SUGCT: variants seen among roughly 807,000 people sequenced by gnomAD.
The protein encoded by SUGCT is succinyl-CoA:glutarate-CoA transferase.
A neutral mutation model predicts 55.0 loss-of-function variants in SUGCT; 41 were observed. The ratio of observed to expected loss-of-function variants is 0.74; its 90% confidence interval spans 0.58 to 0.97. The LOEUF is 0.97. SUGCT is among the 50% of genes least tolerant of loss of function. The pLI, the probability that SUGCT is intolerant of heterozygous loss-of-function variation, is 0.00. For synonymous variants in SUGCT, 187 were observed against 200.4 expected (o/e 0.93, Z 0.56); for missense variants, 568 against 547.8 (o/e 1.04, Z -0.37).
In SUGCT at chr7:40,860,392, C is replaced by T. The variant is rs368801829; in HGVS notation, c.1230C>T (p.His410=). The change falls in exon 14 of 14, where the codon CAC becomes CAT. Residue 410 remains histidine, a synonymous_variant. Transcript: ENST00000335693. ...PPPLLGQHTT[H]ILKEVLRYDD... is the part of the protein sequence containing the mutation. ...CGCTGCTCGGGCAGCACACAACGCACATCCTGAAGGAGGTCCTGAGATACG... is the reference window on the plus strand; with the variant it reads ...CGCTGCTCGGGCAGCACACAACGCATATCCTGAAGGAGGTCCTGAGATACG... 51 of 1,613,884 alleles carry T rather than the reference C, an allele frequency of 3.2e-5. No individual in the cohort carries two copies. The highest frequency in any genetic ancestry group is 4.2e-5 in the Non-Finnish European group (50 of 1,179,878).
intron 7 of SUGCT, among the ~76,000 whole-genome samples, chr7:40,262,914 A>T (rs1237195860): frequency 6.6e-6 from 1 of 152,144 alleles, no homozygotes; most frequent in Non-Finnish European, 1.5e-5. Flanking sequence ...TGACAAGTTA[A>T]TTTATTGTCT....
At chr7:41,014,931 A>T in the SUGCT span, among the ~76,000 whole-genome samples, 139 of 152,336 alleles carry the variant, frequency 9.1e-4, no homozygotes, top group African/African-American at 3.2e-3. Context: ...CAGCATATGG[A>T]TGACACATGG....
chr7:40,941,657 C>T, the SUGCT span, among the ~76,000 whole-genome samples: 2 of 152,032 alleles, frequency 1.3e-5, no homozygotes, highest in African/African-American at 4.8e-5. Flanking sequence ...TCTGTGCTGT[C>T]AGTGGAGTGT....
chr7:40,873,968 CAT>C, the SUGCT span, among the ~76,000 whole-genome samples: 6 of 152,322 alleles, frequency 3.9e-5, no homozygotes, highest in East Asian at 1.2e-3. Flanking sequence ...AAACAAGACT[CAT>C]ATCAGCAGAG....
At chr7:40,681,842 A>G (rs1784260042) in intron 12 of SUGCT, among the ~76,000 whole-genome samples, 2 of 152,148 alleles carry the variant, frequency 1.3e-5, no homozygotes, top group Non-Finnish European at 2.9e-5. Context: ...GCTCTAGCTC[A>G]TGGGCATGAC....
chr7:40,268,152 A>T (rs1190309605), intron 7 of SUGCT, among the ~76,000 whole-genome samples: 23 of 152,224 alleles, frequency 1.5e-4, no homozygotes. Flanking sequence ...CATACAATTC[A>T]GTGGCTTTTA....
intron 8 of SUGCT, among the ~76,000 whole-genome samples, chr7:40,304,060 A>AG (rs1794703841): frequency 6.6e-6 from 1 of 152,052 alleles, no homozygotes; most frequent in African/African-American, 2.4e-5. Flanking sequence ...AAAAAAAAAA[A>AG]AAAAAAGAAT....
At chr7:40,383,093 A>T (rs910766940) in intron 9 of SUGCT, among the ~76,000 whole-genome samples, 3 of 152,220 alleles carry the variant, frequency 2.0e-5, no homozygotes, top group African/African-American at 4.8e-5. Flanking sequence ...GATTTGATGT[A>T]GTCATGGCCC....
chr7:40,274,863 G>A (rs1390911970), intron 8 of SUGCT, among the ~76,000 whole-genome samples: 9 of 152,100 alleles, frequency 5.9e-5, no homozygotes, highest in African/African-American at 2.2e-4. Flanking sequence ...GTGCAATGGC[G>A]TGATCTTGGC....
chr7:40,500,561 A>G (rs1792222413), intron 12 of SUGCT, among the ~76,000 whole-genome samples: 1 of 152,180 alleles, frequency 6.6e-6, no homozygotes, highest in South Asian at 2.1e-4. Context: ...CCAGAAGGCC[A>G]TTACAACCCC....
chr7:40,934,657 C>T, the SUGCT span, among the ~76,000 whole-genome samples: 1 of 72,306 alleles, frequency 1.4e-5, no homozygotes, highest in Non-Finnish European at 2.7e-5. Flanking sequence ...GGTGGACGCC[C>T]CTCCCTCCAC....
chr7:40,775,348 C>T (rs902787925), intron 13 of SUGCT, among the ~76,000 whole-genome samples: 28 of 152,180 alleles, frequency 1.8e-4, no homozygotes, highest in African/African-American at 6.5e-4. Flanking sequence ...CTTATACATA[C>T]ACAAGGTCTT....
the SUGCT span, among the ~76,000 whole-genome samples, chr7:40,930,513 G>A: frequency 3.9e-5 from 6 of 152,172 alleles, no homozygotes; most frequent in African/African-American, 1.4e-4. Flanking sequence ...ACCTTGGGCA[G>A]TATGGCCATT....
At chr7:40,191,099 C>A (rs1047987567) in intron 5 of SUGCT, among the ~76,000 whole-genome samples, 1 of 152,170 alleles carries the variant, frequency 6.6e-6, no homozygotes, top group African/African-American at 2.4e-5. Context: ...TCACTGCAAC[C>A]TTTGCCTCCT....
intron 12 of SUGCT, among the ~76,000 whole-genome samples, chr7:40,742,323 G>A (rs1453871834): frequency 2.6e-5 from 4 of 152,168 alleles, no homozygotes; most frequent in African/African-American, 7.2e-5. Context: ...TTTTACATGT[G>A]ATCTTCATTA....
chr7:40,744,921 C>G (rs2128707663), intron 12 of SUGCT, among the ~76,000 whole-genome samples: 1 of 152,320 alleles, frequency 6.6e-6, no homozygotes, highest in African/African-American at 2.4e-5. Context: ...CTTACTTGCT[C>G]CTCTTTGGAT....
intron 9 of SUGCT, among the ~76,000 whole-genome samples, chr7:40,336,061 C>A (rs895240962): frequency 1.1e-4 from 16 of 151,976 alleles, no homozygotes; most frequent in Non-Finnish European, 2.9e-5. Flanking sequence ...TATTGATTTG[C>A]ATATGTTGAA....
intron 12 of SUGCT, among the ~76,000 whole-genome samples, chr7:40,559,884 C>T (rs1795746627): frequency 6.6e-6 from 1 of 152,210 alleles, no homozygotes; most frequent in African/African-American, 2.4e-5. Context: ...CACTTTAAGT[C>T]TGTTCTGGAA....
chr7:40,377,144 TTCTTTCTTTCTTTC>T lies in SUGCT; in HGVS notation c.816+60291_816+60304del, dbSNP rs1448336084. Among the ~76,000 whole-genome samples the T allele has an allele frequency of 2.2e-4, 3 of 13,886 alleles. 1 individual carries two copies. The highest frequency in any genetic ancestry group is 3.6e-4 in the African/African-American group (3 of 8,264). 9.1% of individuals were successfully genotyped at this position (13,886 alleles called of 152,430 possible). On this transcript the variant is annotated intron_variant, in intron 9 of 13. Coordinates refer to ENST00000335693, the MANE Select transcript of SUGCT (RefSeq NM_001193313.2). Reference sequence around the variant, plus strand: ...TCAGCCTTCCTCTTTCTTTCTTTCTTTCTTTCTTTCTTTCTTTCTTTCTTTCTTTCTTTCTTTCT... The same window carrying T: ...TCAGCCTTCCTCTTTCTTTCTTTCTTTTTCTTTCTTTCTTTCTTTCTTTCT...
Sources: allele counts gnomAD v4.1 joint callset (sites outside exome capture counted in the v4.1 genomes callset), GRCh38; gene constraint gnomAD v4.1.1; transcripts MANE v1.5; gene names NCBI Gene and HGNC (gene_info 2026-07-23, HGNC 2026-07-21).